Variants in GRIK1 observed in about 807,000 individuals in gnomAD.
GRIK1 encodes glutamate receptor ionotropic, kainate 1.
In GRIK1, 69 loss-of-function variants were observed where a neutral mutation model predicts 105.7. The observed-to-expected ratio is 0.65, with a 90% confidence interval of 0.54 to 0.80. GRIK1 has a LOEUF of 0.80. Ranked by LOEUF, GRIK1 falls within the 30% of genes least tolerant of loss-of-function variation. The pLI is 0.00. For missense variants in GRIK1, 1,109 were observed against 1,167.3 expected (o/e 0.95, Z 0.73); for synonymous variants, 438 against 431.3 (o/e 1.02, Z -0.19).
intron 1 of GRIK1, among the ~76,000 whole-genome samples, chr21:29,869,050 C>G (rs551888538): frequency 3.9e-5 from 6 of 152,260 alleles, no homozygotes; most frequent in African/African-American, 1.4e-4. Flanking sequence ...CAGCAAGATC[C>G]CCCAGAAATC....
intron 1 of GRIK1, among the ~76,000 whole-genome samples, chr21:29,889,939 T>A (rs2069829477): frequency 6.6e-6 from 1 of 152,080 alleles, no homozygotes; most frequent in African/African-American, 2.4e-5. Flanking sequence ...AATAACTGTG[T>A]CCTTTGTAGA....
At chr21:29,720,228 ATTATT>A (rs1158564350) in intron 1 of GRIK1, among the ~76,000 whole-genome samples, 1 of 152,206 alleles carries the variant, frequency 6.6e-6, no homozygotes, top group Non-Finnish European at 1.5e-5. Flanking sequence ...TTCTCAGATT[ATTATT>A]TTATTTTATT....
intron 1 of GRIK1, among the ~76,000 whole-genome samples, chr21:29,723,873 CCTTT>C (rs2064385804): frequency 6.6e-6 from 1 of 151,992 alleles, no homozygotes; most frequent in Non-Finnish European, 1.5e-5. Flanking sequence ...AACTAACTGC[CCTTT>C]CTTTCTTAGT....
chr21:29,852,914 G>A (rs79980406), intron 1 of GRIK1, among the ~76,000 whole-genome samples: 1 of 152,136 alleles, frequency 6.6e-6, no homozygotes, highest in East Asian at 1.9e-4. Context: ...AATAAACTAT[G>A]TAGAGTGTCT....
intron 1 of GRIK1, among the ~76,000 whole-genome samples, chr21:29,773,375 G>T (rs1242696855): frequency 6.6e-6 from 1 of 152,146 alleles, no homozygotes; most frequent in East Asian, 1.9e-4. Flanking sequence ...CAGTGACAGG[G>T]TTGGCTTCCC....
intron 1 of GRIK1, among the ~76,000 whole-genome samples, chr21:29,726,437 T>C (rs1355461475): frequency 6.6e-6 from 1 of 152,214 alleles, no homozygotes. Context: ...AGCTTCAACA[T>C]GTACTTTTAA....
intron 16 of GRIK1, among the ~76,000 whole-genome samples, chr21:29,547,320 T>C (rs1051595397): frequency 2.0e-5 from 3 of 152,252 alleles, no homozygotes; most frequent in African/African-American, 7.2e-5. Context: ...GTCATTCTGA[T>C]GGCAATAAGA....
chr21:29,635,823 G>T (rs2062387767), intron 7 of GRIK1, among the ~76,000 whole-genome samples: 1 of 152,154 alleles, frequency 6.6e-6, no homozygotes, highest in African/African-American at 2.4e-5. Flanking sequence ...AGAGCATGAG[G>T]TGTACTGCTG....
chr21:29,914,541 C>T (rs1400950047), intron 1 of GRIK1, among the ~76,000 whole-genome samples: 1 of 152,118 alleles, frequency 6.6e-6, no homozygotes, highest in Non-Finnish European at 1.5e-5. Context: ...CTATGCCAAT[C>T]CTGACCTACT....
chr21:29,638,096 C>G (rs2062433710), intron 7 of GRIK1, among the ~76,000 whole-genome samples: 1 of 152,114 alleles, frequency 6.6e-6, no homozygotes, highest in Non-Finnish European at 1.5e-5. Context: ...TGGCAATATA[C>G]TTAATGTTTC....
intron 1 of GRIK1, among the ~76,000 whole-genome samples, chr21:29,807,693 T>C (rs1384398624): frequency 6.6e-6 from 1 of 152,200 alleles, no homozygotes; most frequent in Admixed American, 6.5e-5. Flanking sequence ...CATATTTATA[T>C]ACAACAAAGC....
At chr21:29,591,885 C>CA (rs982127566) in intron 9 of GRIK1, among the ~76,000 whole-genome samples, 3 of 151,634 alleles carry the variant, frequency 2.0e-5, no homozygotes, top group African/African-American at 4.9e-5. Context: ...CCGATCTATA[C>CA]AAAAAATTAA....
chr21:29,558,797 C>T (rs1382945912), intron 15 of GRIK1, among the ~76,000 whole-genome samples: 5 of 151,726 alleles, frequency 3.3e-5, no homozygotes, highest in Admixed American at 1.3e-4. Flanking sequence ...AAGCAGGTAG[C>T]GATTTTCAAA....
chr21:29,760,159 A>G (rs2065469640), intron 1 of GRIK1: 1 of 152,180 alleles, frequency 6.6e-6, no homozygotes, highest in Non-Finnish European at 1.5e-5. Flanking sequence ...GTTTCTTCCT[A>G]ACATGTTGAC....
At chr21:29,750,958 G>A (rs1053967089) in intron 1 of GRIK1, among the ~76,000 whole-genome samples, 1 of 152,146 alleles carries the variant, frequency 6.6e-6, no homozygotes, top group Non-Finnish European at 1.5e-5. Context: ...GGGTGGGGCC[G>A]TTTTATAAGA....
intron 1 of GRIK1, among the ~76,000 whole-genome samples, chr21:29,810,462 T>C (rs1428463196): frequency 1.3e-5 from 2 of 152,096 alleles, no homozygotes; most frequent in Non-Finnish European, 2.9e-5. Flanking sequence ...AACCTTCAAT[T>C]TGTAAGAAAT....
chr21:29,816,648 G>C (rs1218012971), intron 1 of GRIK1, among the ~76,000 whole-genome samples: 1 of 152,112 alleles, frequency 6.6e-6, no homozygotes, highest in Non-Finnish European at 1.5e-5. Context: ...CAGCAACATG[G>C]ATAGAACTGG....
intron 1 of GRIK1, among the ~76,000 whole-genome samples, chr21:29,772,603 T>C (rs1478453011): frequency 6.6e-6 from 1 of 152,202 alleles, no homozygotes; most frequent in African/African-American, 2.4e-5. Context: ...CCACCCTTTT[T>C]TGAACAAAAA....
At chr21:29,643,053 T>C (rs573142816) in intron 6 of GRIK1, 84 bp from the exon 7 acceptor site, 5 of 1,341,930 alleles carry the variant, frequency 3.7e-6, no homozygotes, top group Non-Finnish European at 3.2e-6. Flanking sequence ...CCTGCTTCCA[T>C]AGCTCTTATC....
Sources: gnomAD v4.1 joint callset for allele counts (sites outside exome capture counted in the v4.1 genomes callset) on GRCh38, gnomAD v4.1.1 for gene constraint, MANE v1.5 for transcripts, NCBI Gene and HGNC (gene_info 2026-07-23, HGNC 2026-07-21) for gene names.